The following PRKCH variants were observed in gnomAD, a reference collection of about 807,000 sequenced individuals.
The protein encoded by PRKCH is protein kinase C eta.
A neutral mutation model predicts 82.5 loss-of-function variants in PRKCH; 28 were observed. That is an observed-to-expected ratio of 0.34 (90% CI 0.25 to 0.47). The LOEUF (loss-of-function observed/expected upper bound fraction) is 0.47. PRKCH is among the 20% of genes least tolerant of loss of function. PRKCH has a pLI of 1.00. For missense variants in PRKCH, 705 were observed against 881.8 expected, an observed-to-expected ratio of 0.80 and a Z score of 2.54; for synonymous variants, 322 against 327.4, an observed-to-expected ratio of 0.98 and a Z score of 0.18.
chr14:61,210,343 G>A (rs2140045302), intron 1 of PRKCH, among the ~76,000 whole-genome samples: 1 of 151,116 alleles, frequency 6.6e-6, no homozygotes, highest in Admixed American at 6.6e-5. Flanking sequence ...AATGCCTCTT[G>A]GACACCAGGA....
At chr14:61,430,392 T>A (rs950682877) in intron 2 of PRKCH, among the ~76,000 whole-genome samples, 1 of 152,216 alleles carries the variant, frequency 6.6e-6, no homozygotes, top group African/African-American at 2.4e-5. Flanking sequence ...TGAAAAATGG[T>A]CTGGCAGTTT....
At position 61,210,087 on chromosome 14, in the gene PRKCH, A is replaced by G. The variant is rs1180628743; in HGVS notation, c.-19+22419A>G. ...CCCTGTCTCTACTAAAACAAAAACA[A>G]AAAACAAAACAAACAAACAAACAAA... is the stretch of plus-strand genomic sequence containing the variant. On this transcript the variant is annotated intron_variant, in intron 1 of 3. Coordinates refer to the PRKCH transcript ENST00000555185. 3.0e-5 allele frequency among the ~76,000 whole-genome samples: 4 copies of G among 134,584 alleles called. 1 individual carries two copies. In the East Asian group the frequency reaches 8.8e-4, roughly 30 times the overall value. The allele number at this position is 134,584 out of a possible 152,430, so 88.3% of individuals were successfully genotyped here.
At chr14:61,526,765 C>A (rs542061409) in intron 10 of PRKCH, among the ~76,000 whole-genome samples, 2 of 152,348 alleles carry the variant, frequency 1.3e-5, no homozygotes, top group East Asian at 3.9e-4. Context: ...TCAGCTGCAG[C>A]CACTGAGGAG....
intron 1 of PRKCH, among the ~76,000 whole-genome samples, chr14:61,389,869 C>T (rs151034582): frequency 6.6e-6 from 1 of 152,152 alleles, no homozygotes; most frequent in Non-Finnish European, 1.5e-5. Context: ...TTCCACTGTA[C>T]CATGTGACTA....
At chr14:61,211,378 G>A (rs181127137) in intron 1 of PRKCH, among the ~76,000 whole-genome samples, 62 of 152,298 alleles carry the variant, frequency 4.1e-4, no homozygotes, top group African/African-American at 1.4e-3. Context: ...CCCTATCCCA[G>A]AAACAAGAAG....
chr14:61,320,599 CAAA>C (rs963769280), upstream of PRKCH, among the ~76,000 whole-genome samples: 38 of 44,308 alleles, frequency 8.6e-4, no homozygotes, highest in Middle Eastern at 0.022. Flanking sequence ...AACTCCGTCT[CAAA>C]AACAACAACA....
chr14:61,249,933 T>C (rs1047826981), intron 1 of PRKCH, among the ~76,000 whole-genome samples: 1 of 151,194 alleles, frequency 6.6e-6, no homozygotes, highest in African/African-American at 2.4e-5. Context: ...AATGGCAATT[T>C]ACCCAAATGT....
intron 1 of PRKCH, among the ~76,000 whole-genome samples, chr14:61,315,118 A>G (rs2045551480): frequency 6.6e-6 from 1 of 152,116 alleles, no homozygotes; most frequent in Non-Finnish European, 1.5e-5. Context: ...CATGAGGAGG[A>G]CAGTATGGCC....
At chr14:61,325,441 C>T (rs1292093319) in intron 1 of PRKCH, among the ~76,000 whole-genome samples, 2 of 152,192 alleles carry the variant, frequency 1.3e-5, no homozygotes, top group Non-Finnish European at 2.9e-5. Context: ...TGAGCCTTGA[C>T]ACTTACCTCA....
intron 1 of PRKCH, among the ~76,000 whole-genome samples, chr14:61,296,415 C>G (rs74820099): frequency 0.052 from 7,942 of 152,278 alleles, 249 homozygotes; most frequent in Middle Eastern, 0.088. Flanking sequence ...ACTTATGCCC[C>G]CAGAGTTGGG....
At chr14:61,286,407 C>T (rs2045314303) in intron 1 of PRKCH, among the ~76,000 whole-genome samples, 1 of 152,152 alleles carries the variant, frequency 6.6e-6, no homozygotes, top group Admixed American at 6.6e-5. Context: ...CTGTAAGCAC[C>T]AGAGGCACAA....
intron 1 of PRKCH, among the ~76,000 whole-genome samples, chr14:61,301,066 G>A (rs1454944770): frequency 6.6e-6 from 1 of 152,084 alleles, no homozygotes; most frequent in Non-Finnish European, 1.5e-5. Context: ...CAGGCGCCCC[G>A]CTCTCTCTGC....
chr14:61,329,234 C>CTTTTTTTCTTTTTTTTTTT (rs1476293025), intron 1 of PRKCH, among the ~76,000 whole-genome samples: 31 of 63,464 alleles, frequency 4.9e-4, no homozygotes, highest in South Asian at 1.3e-3. Context: ...ACTCCTGAGT[C>CTTTTTTTCTTTTTTTTTTT]TTTTTTTTTT....
intron 1 of PRKCH, among the ~76,000 whole-genome samples, chr14:61,301,596 C>A (rs983693672): frequency 2.0e-5 from 3 of 152,312 alleles, no homozygotes; most frequent in Admixed American, 6.5e-5. Flanking sequence ...AATCCCAAAA[C>A]TTTGGGAGGC....
At chr14:61,356,489 C>T (rs2046152123) in intron 1 of PRKCH, among the ~76,000 whole-genome samples, 1 of 152,120 alleles carries the variant, frequency 6.6e-6, no homozygotes, top group African/African-American at 2.4e-5. Context: ...ACATATTTTT[C>T]CGGGCTATCT....
chr14:61,218,565 C>T (rs150108318), intron 1 of PRKCH, among the ~76,000 whole-genome samples: 38 of 152,168 alleles, frequency 2.5e-4, no homozygotes, highest in African/African-American at 7.5e-4. Context: ...CCTGCCCCAC[C>T]GCCCCCCAAT....
upstream of PRKCH, among the ~76,000 whole-genome samples, chr14:61,320,738 G>A (rs1021181104): frequency 1.3e-5 from 2 of 152,238 alleles, no homozygotes; most frequent in African/African-American, 4.8e-5. Context: ...AAAATCTGCA[G>A]GGACCACGGG....
At chr14:61,433,524 C>CT (rs984108528) in intron 2 of PRKCH, among the ~76,000 whole-genome samples, 1 of 152,088 alleles carries the variant, frequency 6.6e-6, no homozygotes, top group African/African-American at 2.4e-5. Flanking sequence ...TCAACCTGGG[C>CT]TTGAAGGCTG....
intron 1 of PRKCH, among the ~76,000 whole-genome samples, chr14:61,328,044 A>G (rs1338075889): frequency 6.6e-6 from 1 of 151,698 alleles, no homozygotes; most frequent in East Asian, 1.9e-4. Context: ...AGGTCAGGAG[A>G]TCGAGACCAT....
Sources: gnomAD v4.1 joint callset for allele counts (sites outside exome capture counted in the v4.1 genomes callset) on GRCh38, gnomAD v4.1.1 for gene constraint, MANE v1.5 for transcripts, NCBI Gene and HGNC (gene_info 2026-07-23, HGNC 2026-07-21) for gene names.